The following SRPK1 variants were observed in gnomAD, a reference collection of about 807,000 sequenced individuals.
SRPK1 encodes SFRS protein kinase 1.
A neutral mutation model predicts 89.5 loss-of-function variants in SRPK1; 52 were observed. That is an observed-to-expected ratio of 0.58 (90% CI 0.46 to 0.73). The LOEUF (loss-of-function observed/expected upper bound fraction) is 0.73, where lower values mean the gene tolerates loss of function less well. Among genes scored for constraint, SRPK1 ranks in the 30% least tolerant of loss-of-function variants. The pLI is 0.00. For missense variants in SRPK1, 603 were observed against 780.6 expected (o/e 0.77, Z 2.71); for synonymous variants, 255 against 270.2 (o/e 0.94, Z 0.55).
intron 2 of SRPK1, among the ~76,000 whole-genome samples, chr6:35,911,950 A>G (rs1339027402): frequency 6.6e-6 from 1 of 152,046 alleles, no homozygotes; most frequent in Non-Finnish European, 1.5e-5. Flanking sequence ...GGGAGGGTCA[A>G]TAAATGCAGC....
chr6:35,899,799 C>T (rs1480108474), intron 2 of SRPK1, among the ~76,000 whole-genome samples: 1 of 151,870 alleles, frequency 6.6e-6, no homozygotes, highest in African/African-American at 2.4e-5. Context: ...GTCAGGAGTT[C>T]GAGACCAGCC....
intron 6 of SRPK1, among the ~76,000 whole-genome samples, chr6:35,880,746 A>AAAAAGAAAG (rs1554152663): frequency 7.8e-5 from 7 of 89,202 alleles, no homozygotes; most frequent in South Asian, 4.7e-4. Flanking sequence ...AAAAAAAAAA[A>AAAAAGAAAG]AAAAGAAAAG....
chr6:35,868,938 G>T, intron 12 of SRPK1, 72 bp downstream of exon 12: 3 of 1,186,728 alleles, frequency 2.5e-6, no homozygotes, highest in Non-Finnish European at 2.4e-6. Context: ...TGGATGTTTT[G>T]CATAACTAAG....
At chr6:35,899,256 C>T (rs184076376) in intron 2 of SRPK1, among the ~76,000 whole-genome samples, 9 of 152,286 alleles carry the variant, frequency 5.9e-5, no homozygotes, top group East Asian at 1.9e-4. Flanking sequence ...CAAGACCTTA[C>T]GTGATCTGTC....
At chr6:35,851,137 TATA>T (rs1165805722) in intron 13 of SRPK1, among the ~76,000 whole-genome samples, 2 of 152,026 alleles carry the variant, frequency 1.3e-5, no homozygotes, top group African/African-American at 4.8e-5. Context: ...TGGCATGGGC[TATA>T]ATGAGTTAAT....
rs560106265 is a variant in SRPK1 at position 35,838,471 on chromosome 6, C to T, written c.1691-42G>A. 2.0e-6 allele frequency: 3 copies of T among 1,505,318 alleles called. No individual in the cohort carries two copies. In the Admixed American group the frequency reaches 7.3e-5, roughly 37 times the overall value. The allele number at this position is 1,505,318 out of a possible 1,614,324, so 93.2% of individuals were successfully genotyped here. A position where few individuals can be genotyped will look rare whatever the true frequency, so the allele number is the denominator to read the frequency against. On this transcript the variant is annotated intron_variant, in intron 14 of 15. Transcript: ENST00000373825. ...TTTCAAGAGGGGGGAAAAAAAAGAT[C>T]CGTAACAAGAGTAACAAATGCAGCT... is the stretch of plus-strand genomic sequence containing the variant.
intron 2 of SRPK1, among the ~76,000 whole-genome samples, chr6:35,899,218 T>A (rs1346010089): frequency 6.6e-6 from 1 of 152,038 alleles, no homozygotes; most frequent in African/African-American, 2.4e-5. Flanking sequence ...ACCACTATAC[T>A]CCAAACAGAT....
At chr6:35,884,461 G>T (rs771806034) in intron 6 of SRPK1, among the ~76,000 whole-genome samples, 3 of 152,212 alleles carry the variant, frequency 2.0e-5, no homozygotes, top group Non-Finnish European at 2.9e-5. Flanking sequence ...TGCTCTGTGT[G>T]GGTATGTTAT....
At chr6:35,920,006 G>A in intron 2 of SRPK1, 1 of 451,254 alleles carries the variant, frequency 2.2e-6, no homozygotes, top group East Asian at 6.9e-5. Flanking sequence ...GGAGTGTGTG[G>A]TTGGTAGAAC....
chr6:35,874,444 T>A (rs902703080), intron 6 of SRPK1, 105 bp from the exon 7 acceptor site: 2 of 793,740 alleles, frequency 2.5e-6, no homozygotes, highest in Non-Finnish European at 4.2e-6. Flanking sequence ...TCTTTCAGTA[T>A]AAAAAGTTAC....
chr6:35,843,122 C>T (rs1769349177), intron 13 of SRPK1, among the ~76,000 whole-genome samples: 1 of 151,858 alleles, frequency 6.6e-6, no homozygotes, highest in African/African-American at 2.4e-5. Flanking sequence ...GTGCCCACCA[C>T]CACGCCCAGC....
intron 2 of SRPK1, among the ~76,000 whole-genome samples, chr6:35,916,242 A>T (rs78071264): frequency 0.077 from 11,348 of 147,900 alleles, 529 homozygotes; most frequent in Non-Finnish European, 0.098. Flanking sequence ...ATAAATAAAT[A>T]AATTAATTAA....
intron 15 of SRPK1, among the ~76,000 whole-genome samples, chr6:35,837,238 G>A (rs774204888): frequency 3.0e-4 from 45 of 151,996 alleles, no homozygotes; most frequent in Non-Finnish European, 1.9e-4. Flanking sequence ...AATGTACTTC[G>A]AGTGACTGTG....
At chr6:35,920,356 T>C (rs779359918) in intron 2 of SRPK1, 112 bp downstream of exon 2, 1 of 1,188,440 alleles carries the variant, frequency 8.4e-7, no homozygotes, top group Admixed American at 1.7e-5. Flanking sequence ...CGAGGCCATG[T>C]GGCTGCAGCC....
intron 6 of SRPK1, 58 bp downstream of exon 6, chr6:35,886,666 T>G: frequency 2.9e-6 from 3 of 1,048,912 alleles, no homozygotes; most frequent in Non-Finnish European, 4.4e-6. Flanking sequence ...ACAACAAATC[T>G]AGTTCCTTTC....
At chr6:35,901,367 T>G (rs891309659) in intron 2 of SRPK1, among the ~76,000 whole-genome samples, 5 of 152,044 alleles carry the variant, frequency 3.3e-5, no homozygotes, top group African/African-American at 9.7e-5. Context: ...CACACACATA[T>G]AGAGGGAAGA....
chr6:35,896,981 T>C (rs1022350386), intron 2 of SRPK1, among the ~76,000 whole-genome samples: 2 of 152,214 alleles, frequency 1.3e-5, no homozygotes, highest in Non-Finnish European at 2.9e-5. Context: ...TCCTAAGATT[T>C]TATTTACATG....
In SRPK1 at chr6:35,857,389, A is replaced by G. The variant is rs182611157; in HGVS notation, c.1513-21T>C. On this transcript the variant is annotated intron_variant, in intron 12 of 15. Transcript: ENST00000373825. ...TTGTGCTGAGAAAATGAAGGAAACAATATTTTAAACTTCATTCTAAAAAGT... is the reference window on the plus strand; with the variant it reads ...TTGTGCTGAGAAAATGAAGGAAACAGTATTTTAAACTTCATTCTAAAAAGT... 4.5e-6 allele frequency: 7 copies of G among 1,552,054 alleles called. No homozygotes were observed. In the African/African-American group the frequency reaches 5.4e-5, roughly 12 times the overall value.
Position 35,859,579 on chromosome 6 carries a change from T to C in SRPK1, c.1513-2211A>G, listed in dbSNP as rs567442154. 5.9e-5 allele frequency among the ~76,000 whole-genome samples: 9 copies of C among 152,306 alleles called. No individual in the cohort carries two copies. In the South Asian group the frequency reaches 1.9e-3, roughly 32 times the overall value. On this transcript the variant is annotated intron_variant, in intron 12 of 15. Transcript: ENST00000373825. ...TCCCTTGAATATTGTTTTCGATCCT[T>C]GTTTGGTTAAAAAAATCTGTGCATA...
Sources: allele counts gnomAD v4.1 joint callset (sites outside exome capture counted in the v4.1 genomes callset), GRCh38; gene constraint gnomAD v4.1.1; transcripts MANE v1.5; gene names NCBI Gene and HGNC (gene_info 2026-07-23, HGNC 2026-07-21).